The following GNAT3 variants were observed in gnomAD, a reference collection of about 807,000 sequenced individuals.
GNAT3 encodes the protein G protein subunit alpha transducin 3.
GNAT3 carries 31 observed loss-of-function variants against 37.7 expected under a neutral mutation model. The ratio of observed to expected loss-of-function variants is 0.82; its 90% CI spans 0.62 to 1.11. The LOEUF (loss-of-function observed/expected upper bound fraction) is 1.11. GNAT3 is among the 50% of genes most tolerant of loss of function. The pLI, the probability that GNAT3 is intolerant of heterozygous loss-of-function variation, is 0.00. For synonymous variants in GNAT3, 138 were observed against 139.8 expected, an observed-to-expected ratio of 0.99 and a Z score of 0.09; for missense variants, 437 against 412.5, an observed-to-expected ratio of 1.06 and a Z score of -0.51.
In GNAT3 at chr7:80,458,781, T is replaced by G; in HGVS notation, c.955A>C (p.Ile319Leu). The change falls in exon 8 of 8, where the codon ATT (isoleucine) becomes CTT (leucine). Residue 319 changes from isoleucine (I) to leucine (L), a missense_variant. Transcript: ENST00000398291. The stretch of plus-strand genomic sequence containing the variant: ...GTAGCACAGGTCATGTGGGAATAAA[T>G]TTCCTTATCTTCTTTTTTTAAATTC... Reference protein sequence around the residue: ...DLNLKKEDKEIYSHMTCATDT... With the variant: ...DLNLKKEDKELYSHMTCATDT... 6.3e-7 allele frequency: 1 copy of G among 1,596,246 alleles called. No individual in the cohort carries two copies. The highest frequency in any genetic ancestry group is 1.1e-5 in the South Asian group (1 of 87,380).
intron 5 of GNAT3, among the ~76,000 whole-genome samples, chr7:80,473,993 A>G (rs1790262152): frequency 1.3e-5 from 2 of 152,036 alleles, no homozygotes; most frequent in Admixed American, 6.6e-5. Context: ...TTTAAGCATG[A>G]GGAAAGTAAA....
intron 1 of GNAT3, among the ~76,000 whole-genome samples, chr7:80,509,039 C>T (rs1470244401): frequency 6.6e-6 from 1 of 151,896 alleles, no homozygotes; most frequent in East Asian, 1.9e-4. Context: ...GTCATTCAGA[C>T]GACACTGATG....
At chr7:80,463,167 A>G (rs191030748) in intron 5 of GNAT3, among the ~76,000 whole-genome samples, 38 of 152,284 alleles carry the variant, frequency 2.5e-4, no homozygotes, top group Admixed American at 8.5e-4. Flanking sequence ...CTTGTAGAGA[A>G]AAAAACAAAT....
chr7:80,498,402 A>G (rs1790772881), intron 1 of GNAT3, among the ~76,000 whole-genome samples: 1 of 152,154 alleles, frequency 6.6e-6, no homozygotes, highest in African/African-American at 2.4e-5. Context: ...AAGCCTTTAA[A>G]AAGGTGTCTG....
intron 2 of GNAT3, among the ~76,000 whole-genome samples, chr7:80,493,667 C>T (rs1450031953): frequency 3.5e-4 from 39 of 111,350 alleles, no homozygotes; most frequent in African/African-American, 5.5e-4. Context: ...TCCTCCTCCT[C>T]CTCTTTCCTC....
At chr7:80,500,323 C>A (rs969099154) in intron 1 of GNAT3, among the ~76,000 whole-genome samples, 8 of 151,734 alleles carry the variant, frequency 5.3e-5, no homozygotes, top group Admixed American at 5.2e-4. Context: ...CCACAAACCA[C>A]GTGTATCTAA....
intron 5 of GNAT3, among the ~76,000 whole-genome samples, chr7:80,463,275 G>A (rs1790081606): frequency 6.6e-6 from 1 of 152,132 alleles, no homozygotes; most frequent in South Asian, 2.1e-4. Flanking sequence ...ATGACACTTA[G>A]AGAAGGTGTT....
intron 1 of GNAT3, among the ~76,000 whole-genome samples, chr7:80,496,261 G>A (rs1391401784): frequency 1.3e-5 from 2 of 152,146 alleles, no homozygotes; most frequent in Non-Finnish European, 2.9e-5. Context: ...CTCCTGAGTA[G>A]CTGGGATTAC....
At chr7:80,481,266 A>G (rs1362854757) in intron 3 of GNAT3, among the ~76,000 whole-genome samples, 1 of 152,176 alleles carries the variant, frequency 6.6e-6, no homozygotes, top group Admixed American at 6.5e-5. Flanking sequence ...ACAAAATTCT[A>G]AGTCCCCCAA....
intron 3 of GNAT3, among the ~76,000 whole-genome samples, chr7:80,483,643 G>A (rs903965546): frequency 1.1e-4 from 16 of 151,350 alleles, no homozygotes; most frequent in Non-Finnish European, 8.8e-5. Flanking sequence ...TTCTCTCCCT[G>A]CCACCAAGAC....
At chr7:80,497,534 A>C (rs139989846) in intron 1 of GNAT3, among the ~76,000 whole-genome samples, 2,397 of 150,622 alleles carry the variant, frequency 0.016, 60 homozygotes, top group Admixed American at 0.046. Context: ...TTCTCTCTCT[A>C]TATATATACA....
chr7:80,485,170 G>GTT (rs35827464), intron 3 of GNAT3, among the ~76,000 whole-genome samples: 161 of 146,558 alleles, frequency 1.1e-3, no homozygotes, highest in East Asian at 5.5e-3. Flanking sequence ...AATATTGTGT[G>GTT]TTTTTTTTTT....
intron 3 of GNAT3, among the ~76,000 whole-genome samples, chr7:80,480,012 G>A (rs2116173877): frequency 6.6e-6 from 1 of 152,174 alleles, no homozygotes; most frequent in African/African-American, 2.4e-5. Context: ...AGCAAAGAAG[G>A]AAATAGAAGT....
At chr7:80,482,232 C>T (rs1790402807) in intron 3 of GNAT3, among the ~76,000 whole-genome samples, 1 of 152,158 alleles carries the variant, frequency 6.6e-6, no homozygotes, top group Admixed American at 6.5e-5. Flanking sequence ...CCCCATTTCT[C>T]TGTTAAATGG....
intron 2 of GNAT3, among the ~76,000 whole-genome samples, chr7:80,490,652 C>G (rs1005922032): frequency 6.6e-6 from 1 of 152,096 alleles, no homozygotes; most frequent in Non-Finnish European, 1.5e-5. Context: ...TCAATATGTG[C>G]CAAGCACTAT....
chr7:80,474,502 C>G (rs543676710), intron 4 of GNAT3, 123 bp from the exon 5 acceptor site: 2 of 375,808 alleles, frequency 5.3e-6, no homozygotes, highest in Non-Finnish European at 9.1e-6. Flanking sequence ...TTTAACTTTG[C>G]GTTTGAAGAA....
At chr7:80,490,573 A>G (rs1790572824) in intron 2 of GNAT3, among the ~76,000 whole-genome samples, 1 of 152,188 alleles carries the variant, frequency 6.6e-6, no homozygotes, top group East Asian at 1.9e-4. Context: ...TAGATGGTCA[A>G]AAGGAGAGAG....
At chr7:80,503,811 TG>T (rs1349655020) in intron 1 of GNAT3, among the ~76,000 whole-genome samples, 5 of 152,150 alleles carry the variant, frequency 3.3e-5, no homozygotes, top group Non-Finnish European at 7.4e-5. Flanking sequence ...GTCAACAAAT[TG>T]AGCAAAAGAA....
At chr7:80,503,350 G>A in intron 1 of GNAT3, among the ~76,000 whole-genome samples, 1 of 152,144 alleles carries the variant, frequency 6.6e-6, no homozygotes, top group East Asian at 1.9e-4. Context: ...ATAGAAATTA[G>A]AATGCAGACA....
Sources: gnomAD v4.1 joint callset for allele counts (sites outside exome capture counted in the v4.1 genomes callset) on GRCh38, gnomAD v4.1.1 for gene constraint, MANE v1.5 for transcripts, NCBI Gene and HGNC (gene_info 2026-07-23, HGNC 2026-07-21) for gene names.